The following RALY variants were observed in gnomAD, a reference collection of about 807,000 sequenced individuals.
The protein encoded by RALY is RNA-binding protein Raly.
In RALY, 15 loss-of-function variants were observed where a neutral mutation model predicts 30.7. The ratio of observed to expected loss-of-function variants is 0.49; its 90% CI spans 0.33 to 0.75. RALY has a LOEUF of 0.75. Ranked by LOEUF, RALY falls within the 30% of genes least tolerant of loss-of-function variation. The pLI is 0.02. For synonymous variants in RALY, 177 were observed against 170.8 expected (o/e 1.04, Z -0.28); for missense variants, 339 against 414.3 (o/e 0.82, Z 1.58).
intron 1 of RALY, among the ~76,000 whole-genome samples, chr20:34,010,368 A>G (rs1365337807): frequency 6.6e-6 from 1 of 152,048 alleles, no homozygotes; most frequent in Non-Finnish European, 1.5e-5. Flanking sequence ...AGCTGGGACT[A>G]CAGGCACGCA....
At chr20:33,997,955 T>A (rs75097016) in intron 1 of RALY, among the ~76,000 whole-genome samples, 2 of 152,202 alleles carry the variant, frequency 1.3e-5, no homozygotes, top group African/African-American at 4.8e-5. Flanking sequence ...CAAACAAATA[T>A]GACCCATGAG....
chr20:34,082,101 C>G lies in RALY; in HGVS notation c.*2196C>G, dbSNP rs941048255. ...TGAAGAGGGTGTACAGAGGAAGGGGCTAGGTCTGCAAGGAGTGCCTCATCT... is the reference window on the plus strand; with the variant it reads ...TGAAGAGGGTGTACAGAGGAAGGGGGTAGGTCTGCAAGGAGTGCCTCATCT... On this transcript the variant is annotated 3_prime_UTR_variant, in exon 10 of 10. Coordinates refer to ENST00000246194, the MANE Select transcript of RALY (RefSeq NM_016732.3). The G allele has an allele frequency of 2.0e-5, 3 of 152,318 alleles. No individual in the cohort carries two copies. Among genetic ancestry groups the G allele is most frequent in the Admixed American group, 2.0e-4 (3 of 15,284 alleles). 9.4% of individuals were successfully genotyped at this position (152,318 alleles called of 1,614,324 possible).
chr20:34,060,121 G>A (rs1302918405), intron 2 of RALY, among the ~76,000 whole-genome samples: 1 of 151,928 alleles, frequency 6.6e-6, no homozygotes, highest in African/African-American at 2.4e-5. Flanking sequence ...AGACTTTATC[G>A]CATCCACCGT....
chr20:34,072,459 AT>A, intron 3 of RALY, 129 bp downstream of exon 3: 1 of 1,267,282 alleles, frequency 7.9e-7, no homozygotes, highest in Non-Finnish European at 1.1e-6. Context: ...TTTATAAGCT[AT>A]GTTTAAGTTT....
At chr20:34,016,876 A>G (rs2123037915) in intron 1 of RALY, among the ~76,000 whole-genome samples, 1 of 152,384 alleles carries the variant, frequency 6.6e-6, no homozygotes, top group South Asian at 2.1e-4. Context: ...AAGCACTGAC[A>G]CAGCTCCTAA....
chr20:34,063,708 G>A (rs2033483993), intron 2 of RALY, among the ~76,000 whole-genome samples: 2 of 152,178 alleles, frequency 1.3e-5, no homozygotes, highest in South Asian at 4.1e-4. Flanking sequence ...CCAGCTCTAT[G>A]TACAGGAGGA....
intron 2 of RALY, among the ~76,000 whole-genome samples, chr20:34,059,389 G>A (rs974004220): frequency 6.6e-6 from 1 of 152,140 alleles, no homozygotes; most frequent in Non-Finnish European, 1.5e-5. Flanking sequence ...TCCTGCTTGG[G>A]TGCCTCTGTC....
chr20:33,997,593 T>C (rs2030700448), intron 1 of RALY, among the ~76,000 whole-genome samples: 1 of 152,162 alleles, frequency 6.6e-6, no homozygotes, highest in Non-Finnish European at 1.5e-5. Context: ...TTATGAAATG[T>C]TCCCTCTTTC....
At position 33,998,622 on chromosome 20, in the gene RALY, T is replaced by C. The variant is rs560148229; in HGVS notation, c.-93+4491T>C. Among the ~76,000 whole-genome samples the C allele has an allele frequency of 4.2e-4, 64 of 152,196 alleles. 1 individual carries two copies. The highest frequency in any genetic ancestry group is 6.8e-3 in the Middle Eastern group (2 of 292). ...CAGAGGCCAAGTCAGGAAAGGGCCT[T>C]CTTGCCTGTGTTGAGGAGTTTGGAC... On this transcript the variant is annotated intron_variant, in intron 1 of 9. Transcript: ENST00000246194.
At chr20:34,013,531 A>G (rs1419240845) in intron 1 of RALY, among the ~76,000 whole-genome samples, 1 of 152,152 alleles carries the variant, frequency 6.6e-6, no homozygotes. Context: ...CCCTAAGTAG[A>G]AATCCCCTTA....
rs371046825 is a variant in RALY at position 34,076,758 on chromosome 20, A to G, written c.601A>G (p.Ile201Val). 6.2e-7 allele frequency: 1 copy of G among 1,613,994 alleles called. No individual in the cohort carries two copies. Among genetic ancestry groups the G allele is most frequent in the African/African-American group, 1.3e-5 (1 of 74,916 alleles). Residue 201 changes from isoleucine (I) to valine (V), a missense_variant, in exon 7 of 10, where the codon ATC becomes GTC. By Grantham distance (29) the Ile-to-Val change is conservative (BLOSUM62 3). Around this residue, in one of 2 missense-constraint regions of RALY, gnomAD observed 268 missense variants for 280.6 expected, o/e 0.95. Coordinates refer to ENST00000246194, the MANE Select transcript of RALY (RefSeq NM_016732.3). ...KTELTQIKSN[I>V]DALLSRLEQI... ...GGAGCTGACACAGATCAAGTCCAAT[A>G]TCGATGCCCTGCTGAGCCGCTTGGA...
chr20:34,032,534 T>C (rs933376056), intron 2 of RALY, among the ~76,000 whole-genome samples: 2 of 152,006 alleles, frequency 1.3e-5, no homozygotes, highest in Admixed American at 6.6e-5. Flanking sequence ...TTTTTGTTTT[T>C]GGGAGACAGG....
chr20:34,003,733 G>A (rs916439905), intron 1 of RALY, among the ~76,000 whole-genome samples: 3 of 141,168 alleles, frequency 2.1e-5, no homozygotes, highest in Admixed American at 7.4e-5. Context: ...TCCGCCTCCC[G>A]GGTTCACGCC....
At chr20:34,032,452 G>A (rs751380674) in intron 2 of RALY, among the ~76,000 whole-genome samples, 6 of 152,112 alleles carry the variant, frequency 3.9e-5, no homozygotes, top group Non-Finnish European at 5.9e-5. Flanking sequence ...GAAAATCAAC[G>A]CATTAAGAAC....
At chr20:34,037,235 C>A (rs918669809) in intron 2 of RALY, among the ~76,000 whole-genome samples, 1 of 152,164 alleles carries the variant, frequency 6.6e-6, no homozygotes, top group African/African-American at 2.4e-5. Flanking sequence ...GGGCTAGACC[C>A]ATAGTGCTCG....
At position 34,084,712 on chromosome 20, in the gene RALY, G is replaced by T. The variant is rs553127064; in HGVS notation, c.*4807G>T. On this transcript the variant is annotated 3_prime_UTR_variant, in exon 10 of 10. Transcript: ENST00000246194. The stretch of plus-strand genomic sequence containing the variant: ...GAAGCAGCCCAGGCCACACAGAGAG[G>T]CCACGTGTACATGTTCAGCTGACAG... 6.6e-6 allele frequency: 1 copy of T among 152,390 alleles called. No homozygotes were observed. The highest frequency in any genetic ancestry group is 2.1e-4 in the South Asian group (1 of 4,824). The allele number at this position is 152,390 out of a possible 1,614,324, so 9.4% of individuals were successfully genotyped here.
chr20:34,009,754 A>G (rs978460595), intron 1 of RALY, among the ~76,000 whole-genome samples: 5 of 152,064 alleles, frequency 3.3e-5, no homozygotes, highest in Admixed American at 3.3e-4. Flanking sequence ...TTTAGACAGC[A>G]TATTTGTTCT....
intron 1 of RALY, among the ~76,000 whole-genome samples, chr20:34,011,315 C>T: frequency 6.6e-6 from 1 of 152,144 alleles, no homozygotes; most frequent in Non-Finnish European, 1.5e-5. Context: ...CTGGCATCGC[C>T]AGACCTCTGA....
Position 34,029,512 on chromosome 20 carries a change from G to A in RALY, c.-92-2010G>A, listed in dbSNP as rs1183753243. On this transcript the variant is annotated intron_variant, in intron 1 of 9. Coordinates refer to ENST00000246194, the MANE Select transcript of RALY (RefSeq NM_016732.3). ...AGGGAGGGAGGGAGGGAGGGAGGGA[G>A]ATGATTTGGATGTAGAACTCTTAGA... 1.6e-4 allele frequency among the ~76,000 whole-genome samples: 18 copies of A among 111,580 alleles called. No homozygotes were observed. In the South Asian group the frequency reaches 5.9e-3, roughly 37 times the overall value. The allele number at this position is 111,580 out of a possible 152,430, so 73.2% of individuals were successfully genotyped here.
Sources: gnomAD v4.1 joint callset for allele counts (sites outside exome capture counted in the v4.1 genomes callset) on GRCh38, gnomAD v4.1.1 for gene constraint, gnomAD v4.1.1 regional missense constraint, MANE v1.5 for transcripts, NCBI Gene and HGNC (gene_info 2026-07-23, HGNC 2026-07-21) for gene names.